ARHGEF3: variants seen among roughly 807,000 people sequenced by gnomAD.
ARHGEF3 encodes the protein 59.8 kDA protein.
Under a neutral mutation model 63.2 loss-of-function variants are expected in ARHGEF3, and 28 were observed. The observed-to-expected ratio is 0.44, with a 90% CI of 0.33 to 0.61. ARHGEF3 has a LOEUF of 0.61. ARHGEF3 is among the 20% of genes least tolerant of loss of function. The pLI is 0.03. For synonymous variants in ARHGEF3, 266 were observed against 254.2 expected, an observed-to-expected ratio of 1.05 and a Z score of -0.44; for missense variants, 533 against 659.3, an observed-to-expected ratio of 0.81 and a Z score of 2.10.
At chr3:56,938,749 G>C (rs1699029784) in intron 3 of ARHGEF3, 2 of 152,236 alleles carry the variant, frequency 1.3e-5, no homozygotes, top group South Asian at 4.1e-4. Context: ...TACAGACCAG[G>C]CGTACTTGTC....
intron 8 of ARHGEF3, among the ~76,000 whole-genome samples, chr3:56,735,269 G>C (rs2033526275): frequency 6.6e-6 from 1 of 152,186 alleles, no homozygotes; most frequent in Non-Finnish European, 1.5e-5. Flanking sequence ...GGGCAACAGA[G>C]TGAGACTGTC....
chr3:56,842,351 T>C (rs1439194496), intron 4 of ARHGEF3, among the ~76,000 whole-genome samples: 1 of 152,224 alleles, frequency 6.6e-6, no homozygotes, highest in Non-Finnish European at 1.5e-5. Flanking sequence ...GGGACCTAGC[T>C]AATTTTGCAT....
chr3:56,900,225 G>A (rs957988934), intron 3 of ARHGEF3, among the ~76,000 whole-genome samples: 1 of 152,142 alleles, frequency 6.6e-6, no homozygotes, highest in Admixed American at 6.5e-5. Flanking sequence ...TATAACAACA[G>A]GTATTTGGAT....
chr3:56,848,156 T>C (rs1202107314), intron 4 of ARHGEF3, among the ~76,000 whole-genome samples: 1 of 152,174 alleles, frequency 6.6e-6, no homozygotes, highest in Non-Finnish European at 1.5e-5. Context: ...GTGGATTAAA[T>C]GATAGGGTGT....
intron 1 of ARHGEF3, among the ~76,000 whole-genome samples, chr3:57,053,553 C>G (rs1410184390): frequency 2.6e-5 from 4 of 152,226 alleles, no homozygotes; most frequent in Non-Finnish European, 5.9e-5. Context: ...AAGTATACAA[C>G]TCAATAACAT....
rs190618611 is a variant in ARHGEF3, at chr3:57,073,468, G to A, written c.-28+5758C>T. Reference sequence around the variant, plus strand: ...GAGCTTCCAAGTAGTGGAAACAGCAGAAGCAAAGATGTGAACATGGGAAAA... The same window carrying A: ...GAGCTTCCAAGTAGTGGAAACAGCAAAAGCAAAGATGTGAACATGGGAAAA... On this transcript the variant is annotated intron_variant, in intron 1 of 12. Transcript: ENST00000338458. 292 of 586,790 alleles carry A rather than the reference G, an allele frequency of 5.0e-4. 2 individuals carry two copies. The South Asian group carries it at 0.01, about 20-fold the overall frequency. 36.3% of individuals were successfully genotyped at this position (586,790 alleles called of 1,614,324 possible).
At chr3:57,002,500 ATATATATATATATG>A (rs1702278018) in intron 2 of ARHGEF3, among the ~76,000 whole-genome samples, 1 of 60,126 alleles carries the variant, frequency 1.7e-5, no homozygotes, top group African/African-American at 6.3e-5. Context: ...TATATATGTT[ATATATATATATATG>A]TTATATATGT....
At chr3:56,994,766 G>A (rs568885229) in intron 2 of ARHGEF3, among the ~76,000 whole-genome samples, 4 of 151,744 alleles carry the variant, frequency 2.6e-5, no homozygotes, top group African/African-American at 9.7e-5. Context: ...AGATGCGGCA[G>A]GAATGATGAC....
intron 3 of ARHGEF3, among the ~76,000 whole-genome samples, chr3:56,947,638 G>C (rs1246468509): frequency 6.6e-6 from 1 of 152,120 alleles, no homozygotes; most frequent in African/African-American, 2.4e-5. Flanking sequence ...CAAGTCCTTA[G>C]AGACCTAGAA....
chr3:56,736,996 G>A (rs957613003), intron 8 of ARHGEF3, among the ~76,000 whole-genome samples, 189 bp downstream of exon 8: 7 of 152,082 alleles, frequency 4.6e-5, no homozygotes, highest in Non-Finnish European at 1.0e-4. Context: ...TTGGGAGGCC[G>A]AGGCACAAGA....
chr3:56,998,574 C>T (rs922943542), intron 2 of ARHGEF3, among the ~76,000 whole-genome samples: 8 of 152,276 alleles, frequency 5.3e-5, no homozygotes, highest in African/African-American at 1.9e-4. Context: ...GGGGGTGCCA[C>T]AGCTGAGCCC....
chr3:56,755,731 T>C (rs1701020225), intron 2 of ARHGEF3, among the ~76,000 whole-genome samples: 1 of 152,130 alleles, frequency 6.6e-6, no homozygotes, highest in Admixed American at 6.6e-5. Flanking sequence ...GAAAGAGTAT[T>C]CCTTTGGGAT....
At chr3:57,000,497 CATTATT>C (rs375967050) in intron 2 of ARHGEF3, among the ~76,000 whole-genome samples, 1 of 148,842 alleles carries the variant, frequency 6.7e-6, no homozygotes, top group Non-Finnish European at 1.5e-5. Context: ...ACCTTTACTA[CATTATT>C]ATTATTATTA....
intron 8 of ARHGEF3, among the ~76,000 whole-genome samples, chr3:56,734,884 G>A (rs567505102): frequency 7.9e-5 from 12 of 152,060 alleles, no homozygotes; most frequent in Non-Finnish European, 1.5e-4. Context: ...TTTCTTTTGG[G>A]GGCTGTTTTA....
intron 2 of ARHGEF3, among the ~76,000 whole-genome samples, chr3:56,974,315 A>C (rs1306457296): frequency 6.6e-6 from 1 of 152,166 alleles, no homozygotes; most frequent in Non-Finnish European, 1.5e-5. Context: ...ATAAATATCG[A>C]ATTTTTCATG....
chr3:56,980,169 G>A (rs774379169), intron 2 of ARHGEF3, among the ~76,000 whole-genome samples: 30 of 152,146 alleles, frequency 2.0e-4, no homozygotes, highest in Non-Finnish European at 4.1e-4. Context: ...AATCCAATAA[G>A]TAAGGCAGTA....
At chr3:56,750,298 T>C (rs957606159) in intron 6 of ARHGEF3, among the ~76,000 whole-genome samples, 46 of 152,196 alleles carry the variant, frequency 3.0e-4, no homozygotes, top group Non-Finnish European at 6.3e-4. Flanking sequence ...ACGCCTTGTC[T>C]AGCGTAAGTG....
At chr3:57,042,698 A>ATTT (rs1235160376) in intron 1 of ARHGEF3, among the ~76,000 whole-genome samples, 4 of 41,422 alleles carry the variant, frequency 9.7e-5, no homozygotes, top group African/African-American at 2.4e-4. Flanking sequence ...ATATATATAT[A>ATTT]TATTTTTTTT....
intron 1 of ARHGEF3, among the ~76,000 whole-genome samples, chr3:56,780,320 A>G (rs570028104): frequency 6.6e-6 from 1 of 152,342 alleles, no homozygotes; most frequent in Non-Finnish European, 1.5e-5. Context: ...TTCCCTTAAT[A>G]TGAGCATACT....
Sources: allele counts gnomAD v4.1 joint callset (sites outside exome capture counted in the v4.1 genomes callset), GRCh38; gene constraint gnomAD v4.1.1; transcripts MANE v1.5; gene names NCBI Gene and HGNC (gene_info 2026-07-23, HGNC 2026-07-21).